The following LRP2 variants were observed in gnomAD, a reference collection of about 807,000 sequenced individuals.
LRP2 encodes the protein LDL receptor related protein 2.
In LRP2, 172 loss-of-function variants were observed where a neutral mutation model predicts 531.0. The observed-to-expected ratio is 0.32, with a 90% confidence interval of 0.29 to 0.37. The LOEUF (loss-of-function observed/expected upper bound fraction) is 0.37, where lower values mean the gene tolerates loss of function less well. Ranked by LOEUF, LRP2 falls within the 10% of genes least tolerant of loss-of-function variation. LRP2 has a pLI of 1.00. For missense variants in LRP2, 5,167 were observed against 5,868.3 expected (o/e 0.88, Z 3.90); for synonymous variants, 1,992 against 2,027.6 (o/e 0.98, Z 0.47).
intron 1 of LRP2, among the ~76,000 whole-genome samples, chr2:169,331,557 C>T (rs1407529174): frequency 1.3e-5 from 2 of 152,188 alleles, no homozygotes; most frequent in Non-Finnish European, 2.9e-5. Context: ...ACTTTCTTCT[C>T]CTCTGGCCCC....
In LRP2 at chr2:169,172,112, C is replaced by A. The variant is rs1488571497; in HGVS notation, c.11166G>T (p.Val3722=). Residue 3722 remains valine, a synonymous_variant, in exon 58 of 79, where the codon GTG becomes GTT. Transcript: ENST00000649046. The part of the protein sequence containing the change: ...QGCEERTCHP[V]GDFRCKNHHC... ...GGTGATTTTTACAGCGGAAATCCCC[C>A]ACAGGATGGCATGTCCTCTCCTCTG... 1 of 1,614,158 alleles carries A rather than the reference C, an allele frequency of 6.2e-7. No individual in the cohort carries two copies. Among genetic ancestry groups the A allele is most frequent in the Non-Finnish European group, 8.5e-7 (1 of 1,180,014 alleles).
At chr2:169,284,256 C>CTT (rs1216987363) in intron 9 of LRP2, among the ~76,000 whole-genome samples, 1,658 of 96,428 alleles carry the variant, frequency 0.017, 200 homozygotes, top group African/African-American at 0.066. Flanking sequence ...TCTTTTTTTT[C>CTT]TTTTTTTTTT....
chr2:169,171,856 G>A (rs1440355305), intron 58 of LRP2, among the ~76,000 whole-genome samples, 159 bp downstream of exon 58: 1 of 152,222 alleles, frequency 6.6e-6, no homozygotes, highest in East Asian at 1.9e-4. Context: ...TAGTGGAAGA[G>A]AAAGTAGAAA....
At position 169,235,754 on chromosome 2, in the gene LRP2, T is replaced by C. The variant is rs1434880821; in HGVS notation, c.4920+86A>G. 3.6e-5 allele frequency: 38 copies of C among 1,060,246 alleles called. 1 individual carries two copies. In the South Asian group the frequency reaches 4.6e-4, roughly 13 times the overall value. The allele number at this position is 1,060,246 out of a possible 1,614,324, so 65.7% of individuals were successfully genotyped here. A position where few individuals can be genotyped will look rare whatever the true frequency, so the allele number is the denominator to read the frequency against. The stretch of plus-strand genomic sequence containing the variant: ...CTGACAATGTCTATGACACAAAAAT[T>C]AATTTCTTAGCTTTTCTGATACTCG... On this transcript the variant is annotated intron_variant, in intron 29 of 78. Transcript: ENST00000649046.
At position 169,289,082 on chromosome 2, in the gene LRP2, G is replaced by C; in HGVS notation, c.986C>G (p.Ala329Gly). 1 of 1,614,032 alleles carries C rather than the reference G, an allele frequency of 6.2e-7. No homozygotes were observed. Among genetic ancestry groups the C allele is most frequent in the Non-Finnish European group, 8.5e-7 (1 of 1,179,988 alleles). The change falls in exon 9 of 79, where the codon GCG becomes GGG. Residue 329 changes from alanine (A) to glycine (G), a missense_variant. This residue lies in a region of LRP2 where 2,811 missense variants were observed against 3,058.0 expected (regional missense o/e 0.92). Coordinates refer to ENST00000649046, the MANE Select transcript of LRP2 (RefSeq NM_004525.3). ...YQCHETPYGG[A>G]CFCPPGYIIN... ...GATATAACCTGGGGGACAAAAACAC[G>C]CTCCTCCATACGGCGTCTCATGGCA...
At chr2:169,160,774 A>G (rs1385173333) in intron 63 of LRP2, among the ~76,000 whole-genome samples, 1 of 152,072 alleles carries the variant, frequency 6.6e-6, no homozygotes, top group African/African-American at 2.4e-5. Flanking sequence ...TGGGAGTCAG[A>G]ACCCAAACCT....
chr2:169,360,818 C>A (rs767999319), intron 1 of LRP2, among the ~76,000 whole-genome samples: 3 of 152,158 alleles, frequency 2.0e-5, no homozygotes, highest in Non-Finnish European at 2.9e-5. Flanking sequence ...CAAACTTCTT[C>A]CCAGGAAGTC....
intron 31 of LRP2, among the ~76,000 whole-genome samples, chr2:169,228,393 A>T (rs1420843941): frequency 6.6e-6 from 1 of 151,218 alleles, no homozygotes; most frequent in African/African-American, 2.4e-5. Context: ...TTATTTATTG[A>T]TTATCTGTTA....
chr2:169,301,818 T>A lies in LRP2; in HGVS notation c.427+5463A>T, dbSNP rs186141514. Among the ~76,000 whole-genome samples, 5 of 152,180 alleles carry A rather than the reference T, an allele frequency of 3.3e-5. No homozygotes were observed. The East Asian group carries it at 9.6e-4, about 29-fold the overall frequency. ...GACACAAGGTACTCTGTCTTGGAGC[T>A]CAGTGTCTTGATTTTAGAAGCTTGA... On this transcript the variant is annotated intron_variant, in intron 4 of 78. Coordinates refer to ENST00000649046, the MANE Select transcript of LRP2 (RefSeq NM_004525.3).
At chr2:169,260,842 A>G (rs1690516530) in intron 16 of LRP2, among the ~76,000 whole-genome samples, 1 of 150,502 alleles carries the variant, frequency 6.6e-6, no homozygotes, top group Admixed American at 6.7e-5. Context: ...AGAACAGGAG[A>G]AAAAGAAAAG....
At chr2:169,161,367 T>A (rs977483433) in intron 63 of LRP2, among the ~76,000 whole-genome samples, 2 of 152,226 alleles carry the variant, frequency 1.3e-5, no homozygotes, top group African/African-American at 4.8e-5. Flanking sequence ...TAGTAACATG[T>A]CATTTTAACA....
chr2:169,148,814 T>C (rs964434142), intron 68 of LRP2, among the ~76,000 whole-genome samples: 2 of 151,918 alleles, frequency 1.3e-5, no homozygotes, highest in Admixed American at 6.6e-5. Flanking sequence ...CTGGCTCCTT[T>C]GCCTATCAGT....
chr2:169,359,119 C>T (rs1329766380), intron 1 of LRP2, among the ~76,000 whole-genome samples: 1 of 151,968 alleles, frequency 6.6e-6, no homozygotes, highest in Non-Finnish European at 1.5e-5. Context: ...TTTATTTTCA[C>T]TGTCTATATG....
intron 54 of LRP2, 54 bp downstream of exon 54, chr2:169,176,357 A>G: frequency 1.9e-6 from 3 of 1,606,626 alleles, no homozygotes; most frequent in Non-Finnish European, 2.6e-6. Flanking sequence ...CTTGAAGGTC[A>G]ATGTCTGTCC....
intron 41 of LRP2, 63 bp from the exon 42 acceptor site, chr2:169,204,334 CA>C: frequency 1.4e-6 from 2 of 1,442,724 alleles, no homozygotes; most frequent in Non-Finnish European, 1.9e-6. Flanking sequence ...TTTCAACTGG[CA>C]GCCCAATGCA....
At chr2:169,215,951 T>G (rs568975422) in intron 35 of LRP2, among the ~76,000 whole-genome samples, 2 of 151,718 alleles carry the variant, frequency 1.3e-5, no homozygotes, top group East Asian at 3.9e-4. Context: ...AAGAAATGGC[T>G]CTGAAATGAC....
chr2:169,231,619 A>G (rs949833202), intron 31 of LRP2, 95 bp downstream of exon 31: 1 of 1,465,066 alleles, frequency 6.8e-7, no homozygotes, highest in Admixed American at 1.7e-5. Flanking sequence ...AGGACACAGC[A>G]CATGTTCAGT....
intron 76 of LRP2, among the ~76,000 whole-genome samples, chr2:169,133,033 T>C (rs150289735): frequency 7.9e-4 from 120 of 152,356 alleles, no homozygotes; most frequent in African/African-American, 2.7e-3. Flanking sequence ...AGTTATATAC[T>C]GGAAGCCAAA....
chr2:169,354,642 A>C (rs1685942347), intron 1 of LRP2, among the ~76,000 whole-genome samples: 1 of 152,240 alleles, frequency 6.6e-6, no homozygotes, highest in African/African-American at 2.4e-5. Flanking sequence ...TAACCATCTT[A>C]TTTTTAGAAT....
Sources: gnomAD v4.1 joint callset for allele counts (sites outside exome capture counted in the v4.1 genomes callset) on GRCh38, gnomAD v4.1.1 for gene constraint, gnomAD v4.1.1 regional missense constraint, MANE v1.5 for transcripts, NCBI Gene and HGNC (gene_info 2026-07-23, HGNC 2026-07-21) for gene names.